Variants in PIBF1 observed in about 807,000 individuals in gnomAD.
PIBF1 encodes the protein progesterone immunomodulatory binding factor 1, also known as progesterone-induced-blocking factor 1.
A neutral mutation model predicts 112.5 loss-of-function variants in PIBF1; 90 were observed. The observed-to-expected ratio is 0.80, with a 90% CI of 0.67 to 0.95. PIBF1 has a LOEUF of 0.95. Among genes scored for constraint, PIBF1 ranks in the 40% least tolerant of loss-of-function variants. PIBF1 has a pLI of 0.00. For missense variants in PIBF1, 915 were observed against 852.3 expected, an observed-to-expected ratio of 1.07 and a Z score of -0.92; for synonymous variants, 301 against 288.6, an observed-to-expected ratio of 1.04 and a Z score of -0.44.
intron 13 of PIBF1, among the ~76,000 whole-genome samples, chr13:72,921,017 C>A (rs2041267638): frequency 6.6e-6 from 1 of 152,078 alleles, no homozygotes; most frequent in Non-Finnish European, 1.5e-5. Flanking sequence ...TGTTCAACAA[C>A]CAGAATTAGA....
intron 14 of PIBF1, among the ~76,000 whole-genome samples, chr13:72,943,604 A>G (rs1280599269): frequency 6.6e-6 from 1 of 152,170 alleles, no homozygotes; most frequent in Non-Finnish European, 1.5e-5. Context: ...CGTGGCATAG[A>G]TGGCCAATTT....
intron 16 of PIBF1, among the ~76,000 whole-genome samples, chr13:72,997,719 G>A (rs990053950): frequency 2.2e-4 from 34 of 152,116 alleles, no homozygotes; most frequent in African/African-American, 7.2e-4. Flanking sequence ...CATAACTTTC[G>A]TGTTTTGGCA....
intron 16 of PIBF1, among the ~76,000 whole-genome samples, chr13:72,980,422 G>A (rs1280441238): frequency 6.6e-6 from 1 of 152,188 alleles, no homozygotes. Context: ...ATTCATAACA[G>A]AGCCAGTTGT....
At chr13:72,795,599 C>A in intron 4 of PIBF1, 42 bp downstream of exon 4, 1 of 1,244,648 alleles carries the variant, frequency 8.0e-7, no homozygotes, top group Non-Finnish European at 1.1e-6. Context: ...CATATATTTT[C>A]AGACTAAAAT....
chr13:72,970,325 A>T (rs2042855300), intron 15 of PIBF1, among the ~76,000 whole-genome samples: 1 of 152,168 alleles, frequency 6.6e-6, no homozygotes, highest in Non-Finnish European at 1.5e-5. Context: ...CCACCAAGCC[A>T]CAAGAGACAC....
At chr13:72,975,081 G>T (rs1284620813) in intron 16 of PIBF1, among the ~76,000 whole-genome samples, 1 of 147,954 alleles carries the variant, frequency 6.8e-6, no homozygotes, top group African/African-American at 2.5e-5. Context: ...TTGGAGACAG[G>T]ATCTTGCTCT....
intron 16 of PIBF1, among the ~76,000 whole-genome samples, chr13:72,993,139 G>A (rs980631093): frequency 1.3e-5 from 2 of 152,158 alleles, no homozygotes; most frequent in East Asian, 1.9e-4. Context: ...GGGCAACATG[G>A]CGAAACCCCA....
chr13:72,812,939 G>C (rs1435606654), intron 5 of PIBF1, among the ~76,000 whole-genome samples: 1 of 151,994 alleles, frequency 6.6e-6, no homozygotes, highest in Non-Finnish European at 1.5e-5. Flanking sequence ...GTGTAAGAGT[G>C]AGACTCCGCC....
chr13:72,806,357 G>A (rs2035732356), intron 5 of PIBF1, among the ~76,000 whole-genome samples: 1 of 151,044 alleles, frequency 6.6e-6, no homozygotes, highest in African/African-American at 2.4e-5. Context: ...CCATGTTGTA[G>A]CATGTGACAG....
chr13:72,961,856 A>G (rs2042616237), intron 14 of PIBF1, among the ~76,000 whole-genome samples: 1 of 152,200 alleles, frequency 6.6e-6, no homozygotes, highest in Admixed American at 6.5e-5. Context: ...AATTTTTTAA[A>G]ACTATGGTTG....
rs10645002 is a variant in PIBF1 at position 73,001,582 on chromosome 13, C to CTTT, written c.2223+2603_2223+2605dup. ...CAGAGGAGGAGAAATAAGAGCTTGACTTTTTTTTTTTTTTTTTTGACACTT... is the reference window on the plus strand; with the variant it reads ...CAGAGGAGGAGAAATAAGAGCTTGACTTTTTTTTTTTTTTTTTTTTTGACACTT... On this transcript the variant is annotated intron_variant, in intron 17 of 17. Transcript: ENST00000326291. 6.9e-4 allele frequency among the ~76,000 whole-genome samples: 20 copies of CTTT among 29,172 alleles called. 1 individual carries two copies. The highest frequency in any genetic ancestry group is 4.1e-3 in the South Asian group (2 of 482). 19.1% of individuals were successfully genotyped at this position (29,172 alleles called of 152,430 possible). A position where few individuals can be genotyped will look rare whatever the true frequency, so the allele number is the denominator to read the frequency against.
intron 12 of PIBF1, among the ~76,000 whole-genome samples, chr13:72,914,689 T>A (rs1480398159): frequency 6.6e-6 from 1 of 152,090 alleles, no homozygotes; most frequent in African/African-American, 2.4e-5. Flanking sequence ...GCTCAAGTGA[T>A]TCCCCCTGCC....
chr13:73,014,014 G>A (rs1412865736), intron 17 of PIBF1, among the ~76,000 whole-genome samples: 1 of 151,978 alleles, frequency 6.6e-6, no homozygotes, highest in Non-Finnish European at 1.5e-5. Flanking sequence ...GGCCCAGATG[G>A]GTTCACTGTT....
intron 16 of PIBF1, among the ~76,000 whole-genome samples, chr13:72,982,373 C>A (rs1392123393): frequency 6.6e-6 from 1 of 152,062 alleles, no homozygotes; most frequent in East Asian, 1.9e-4. Context: ...GAGGTTGAGG[C>A]TGCAGTGAGC....
chr13:72,882,004 A>G (rs2039659391), intron 10 of PIBF1, among the ~76,000 whole-genome samples: 1 of 152,200 alleles, frequency 6.6e-6, no homozygotes, highest in Non-Finnish European at 1.5e-5. Context: ...CAAAAAGAGC[A>G]AAACTGAGGA....
intron 15 of PIBF1, among the ~76,000 whole-genome samples, chr13:72,973,211 G>A (rs2042939974): frequency 6.6e-6 from 1 of 151,678 alleles, no homozygotes; most frequent in Non-Finnish European, 1.5e-5. Flanking sequence ...GTTTGAGGCT[G>A]TAGTTCATTG....
chr13:72,968,364 G>T (rs533712329), intron 15 of PIBF1, among the ~76,000 whole-genome samples: 1 of 150,912 alleles, frequency 6.6e-6, no homozygotes, highest in East Asian at 2.0e-4. Flanking sequence ...GCAATGGCGC[G>T]ATCTCGGCTC....
At chr13:72,879,191 TGGTTTTAATTGGCATTATGTTGTTG>T (rs1343585008) in intron 10 of PIBF1, among the ~76,000 whole-genome samples, 1 of 152,146 alleles carries the variant, frequency 6.6e-6, no homozygotes, top group Non-Finnish European at 1.5e-5. Context: ...TTTTCTTTTT[TGGTTTTAATTGGCATTATGTTGTTG>T]GGCACATAAA....
intron 3 of PIBF1, 125 bp downstream of exon 3, chr13:72,792,672 T>C (rs1278802653): frequency 1.8e-6 from 1 of 566,922 alleles, no homozygotes; most frequent in Non-Finnish European, 3.1e-6. Context: ...ATAGCAATAA[T>C]TTTTACACCT....
Sources: gnomAD v4.1 joint callset for allele counts (sites outside exome capture counted in the v4.1 genomes callset) on GRCh38, gnomAD v4.1.1 for gene constraint, MANE v1.5 for transcripts, NCBI Gene and HGNC (gene_info 2026-07-23, HGNC 2026-07-21) for gene names.